CCSER1: variants seen among roughly 807,000 people sequenced by gnomAD.
The protein encoded by CCSER1 is coiled-coil serine rich protein 1, also known as serine-rich coiled-coil domain-containing protein 1.
In CCSER1, 41 loss-of-function variants were observed where a neutral mutation model predicts 82.0. The ratio of observed to expected loss-of-function variants is 0.50; its 90% CI spans 0.39 to 0.65. The LOEUF (loss-of-function observed/expected upper bound fraction) is 0.65. Ranked by LOEUF, CCSER1 falls within the 30% of genes least tolerant of loss-of-function variation. The pLI is 0.00. For missense variants in CCSER1, 1,119 were observed against 1,064.2 expected, an observed-to-expected ratio of 1.05 and a Z score of -0.72; for synonymous variants, 414 against 383.9, an observed-to-expected ratio of 1.08 and a Z score of -0.92.
At chr4:90,849,606 G>A (rs1471819475) in intron 8 of CCSER1, among the ~76,000 whole-genome samples, 7 of 151,740 alleles carry the variant, frequency 4.6e-5, no homozygotes, top group Admixed American at 2.0e-4. Flanking sequence ...TGGCTAACAC[G>A]GTGAAACTCC....
chr4:91,518,768 G>A (rs1760286962), intron 10 of CCSER1, among the ~76,000 whole-genome samples: 1 of 152,198 alleles, frequency 6.6e-6, no homozygotes, highest in African/African-American at 2.4e-5. Flanking sequence ...AGTGGCAGAA[G>A]GGTTGTCACT....
chr4:90,701,007 T>G (rs1237212602), intron 6 of CCSER1, among the ~76,000 whole-genome samples: 2 of 152,180 alleles, frequency 1.3e-5, no homozygotes, highest in African/African-American at 4.8e-5. Context: ...ATTTGTCAAT[T>G]TTGGCTTTTG....
chr4:90,562,851 T>TA (rs1462882202), intron 5 of CCSER1, among the ~76,000 whole-genome samples: 1,578 of 137,764 alleles, frequency 0.011, 21 homozygotes, highest in African/African-American at 0.027. Context: ...CTTTTTTTTT[T>TA]TAAAAAAAAA....
intron 6 of CCSER1, among the ~76,000 whole-genome samples, chr4:90,706,220 C>T (rs1237413685): frequency 6.6e-6 from 1 of 152,182 alleles, no homozygotes; most frequent in Admixed American, 6.5e-5. Flanking sequence ...TTGTAACAAC[C>T]CTAATGGACT....
intron 10 of CCSER1, among the ~76,000 whole-genome samples, chr4:91,512,596 A>C (rs1759885197): frequency 6.6e-6 from 1 of 152,184 alleles, no homozygotes; most frequent in South Asian, 2.1e-4. Context: ...TAACTTGACA[A>C]ACTTAATAAA....
intron 10 of CCSER1, among the ~76,000 whole-genome samples, chr4:91,477,175 A>G (rs2110032078): frequency 6.6e-6 from 1 of 151,982 alleles, no homozygotes; most frequent in South Asian, 2.1e-4. Flanking sequence ...TCACTCTACA[A>G]AGGATTAATA....
chr4:90,508,702 A>T (rs1771057702), intron 5 of CCSER1, among the ~76,000 whole-genome samples: 1 of 152,104 alleles, frequency 6.6e-6, no homozygotes, highest in Admixed American at 6.5e-5. Context: ...ACAGTATCAG[A>T]TGTAATGGAG....
intron 7 of CCSER1, among the ~76,000 whole-genome samples, chr4:90,739,668 G>A (rs1007520356): frequency 1.3e-5 from 2 of 152,156 alleles, no homozygotes; most frequent in African/African-American, 4.8e-5. Context: ...CCTCTGGCTA[G>A]GGCTAATCTG....
At chr4:90,817,699 T>C (rs1206520191) in intron 8 of CCSER1, among the ~76,000 whole-genome samples, 1 of 152,140 alleles carries the variant, frequency 6.6e-6, no homozygotes, top group Non-Finnish European at 1.5e-5. Flanking sequence ...GGGAGAAGTA[T>C]GTAATTGGTG....
At chr4:90,550,589 T>C (rs1399442269) in intron 5 of CCSER1, among the ~76,000 whole-genome samples, 1 of 152,130 alleles carries the variant, frequency 6.6e-6, no homozygotes, top group Non-Finnish European at 1.5e-5. Flanking sequence ...GTGAAATAAA[T>C]TGAAACCCAA....
intron 6 of CCSER1, among the ~76,000 whole-genome samples, chr4:90,653,374 A>G (rs908187): frequency 0.51 from 77,901 of 151,766 alleles, 20,237 homozygotes; most frequent in Middle Eastern, 0.67. Flanking sequence ...GAAATAGTTG[A>G]CTTTCCTTCA....
intron 6 of CCSER1, among the ~76,000 whole-genome samples, chr4:90,638,511 G>A (rs1361648468): frequency 1.3e-5 from 2 of 152,026 alleles, no homozygotes; most frequent in Non-Finnish European, 2.9e-5. Context: ...AATAACATAG[G>A]TTAAAAAAAT....
chr4:90,480,479 T>G (rs1275580307), intron 5 of CCSER1, among the ~76,000 whole-genome samples: 1 of 152,194 alleles, frequency 6.6e-6, no homozygotes, highest in African/African-American at 2.4e-5. Context: ...TGGTATTGCC[T>G]AGGTTTTCTT....
At chr4:91,538,514 A>C (rs1483667082) in intron 10 of CCSER1, among the ~76,000 whole-genome samples, 2 of 151,560 alleles carry the variant, frequency 1.3e-5, no homozygotes, top group Admixed American at 6.6e-5. Flanking sequence ...TCTCAGGCTT[A>C]GAAAAAATGA....
Position 91,437,716 on chromosome 4 carries a change from C to T in CCSER1, c.2218-160856C>T, listed in dbSNP as rs113200609. 5.9e-5 allele frequency among the ~76,000 whole-genome samples: 9 copies of T among 152,316 alleles called. 1 individual carries two copies. Among genetic ancestry groups the T allele is most frequent in the African/African-American group, 2.2e-4 (9 of 41,568 alleles). ...GGAAGCGCAAGGGGTCAGGGAGTTC[C>T]CTTCCCTAGTCAAAGAAAGGGGTGA... On this transcript the variant is annotated intron_variant, in intron 10 of 10. Transcript: ENST00000509176.
intron 9 of CCSER1, among the ~76,000 whole-genome samples, chr4:91,013,604 C>CT (rs1188536764): frequency 0.015 from 1,565 of 107,586 alleles, 186 homozygotes; most frequent in African/African-American, 0.02. Flanking sequence ...TTAAGATTTT[C>CT]TTTTTTTTTT....
In CCSER1 at chr4:90,411,429, T is replaced by G. The variant is rs189199808; in HGVS notation, c.1603+11300T>G. 2.0e-3 allele frequency among the ~76,000 whole-genome samples: 307 copies of G among 152,278 alleles called. 1 individual carries two copies. Among genetic ancestry groups the G allele is most frequent in the African/African-American group, 6.9e-3 (288 of 41,550 alleles). Reference sequence around the variant, plus strand: ...CACATCAAAATCTTATCCACCACGATCACATGGGCTTCATCCCTGGGATGC... The same window carrying G: ...CACATCAAAATCTTATCCACCACGAGCACATGGGCTTCATCCCTGGGATGC... On this transcript the variant is annotated intron_variant, in intron 4 of 10. Coordinates refer to ENST00000509176, the MANE Select transcript of CCSER1 (RefSeq NM_001145065.2).
At chr4:91,266,681 C>T (rs1019978111) in intron 10 of CCSER1, among the ~76,000 whole-genome samples, 94 of 152,184 alleles carry the variant, frequency 6.2e-4, no homozygotes, top group African/African-American at 2.0e-3. Flanking sequence ...TGGATTTCCA[C>T]TTATTTTAAG....
intron 3 of CCSER1, among the ~76,000 whole-genome samples, chr4:90,359,755 TA>T (rs35903373): frequency 0.17 from 25,889 of 150,714 alleles, 2,683 homozygotes; most frequent in South Asian, 0.23. Flanking sequence ...TAAAAATAAA[TA>T]AAATAAATAA....
Sources: gnomAD v4.1 joint callset for allele counts (sites outside exome capture counted in the v4.1 genomes callset) on GRCh38, gnomAD v4.1.1 for gene constraint, MANE v1.5 for transcripts, NCBI Gene and HGNC (gene_info 2026-07-23, HGNC 2026-07-21) for gene names.